Variants in MARCHF8 observed in about 807,000 individuals in gnomAD.
The protein encoded by MARCHF8 is E3 ubiquitin-protein ligase MARCHF8.
Under a neutral mutation model 51.6 loss-of-function variants are expected in MARCHF8, and 40 were observed. The observed-to-expected ratio is 0.77, with a 90% CI of 0.60 to 1.01. The LOEUF is 1.01. Among genes scored for constraint, MARCHF8 ranks in the 50% least tolerant of loss-of-function variants. The pLI is 0.00. For missense variants in MARCHF8, 685 were observed against 708.6 expected, an observed-to-expected ratio of 0.97 and a Z score of 0.38; for synonymous variants, 263 against 280.3, an observed-to-expected ratio of 0.94 and a Z score of 0.62.
At position 45,562,110 on chromosome 10, in the gene MARCHF8, T is replaced by C. The variant is rs1407047340; in HGVS notation, c.-78-28821A>G. 2.0e-5 allele frequency among the ~76,000 whole-genome samples: 3 copies of C among 151,974 alleles called. No homozygotes were observed. The South Asian group carries it at 6.2e-4, about 32-fold the overall frequency. On this transcript the variant is annotated intron_variant, in intron 1 of 6. Transcript: ENST00000319836. Reference sequence around the variant, plus strand: ...CAAATTGGAATAAATTACTCAGAGTTAGGGAAATGAAAAACACTAAAGAGA... The same window carrying C: ...CAAATTGGAATAAATTACTCAGAGTCAGGGAAATGAAAAACACTAAAGAGA...
At chr10:45,470,492 T>C (rs1022594896) in intron 3 of MARCHF8, among the ~76,000 whole-genome samples, 4 of 152,208 alleles carry the variant, frequency 2.6e-5, no homozygotes, top group Admixed American at 6.5e-5. Flanking sequence ...TGGGATTCCA[T>C]TGGGCCTGTA....
intron 2 of MARCHF8, among the ~76,000 whole-genome samples, chr10:45,491,108 A>G (rs899622971): frequency 6.6e-6 from 1 of 152,180 alleles, no homozygotes; most frequent in Non-Finnish European, 1.5e-5. Flanking sequence ...TATGCTGCCC[A>G]GGCTCAACTC....
intron 1 of MARCHF8, among the ~76,000 whole-genome samples, chr10:45,586,348 A>C (rs149212420): frequency 1.3e-5 from 2 of 152,128 alleles, no homozygotes; most frequent in African/African-American, 4.8e-5. Flanking sequence ...TGCTCAGCAT[A>C]ATGTTTTTAA....
intron 3 of MARCHF8, among the ~76,000 whole-genome samples, chr10:45,468,834 G>A (rs1462492400): frequency 6.6e-6 from 1 of 152,192 alleles, no homozygotes; most frequent in Admixed American, 6.5e-5. Context: ...AATAATATGT[G>A]TTGGCGGAAG....
intron 3 of MARCHF8, among the ~76,000 whole-genome samples, chr10:45,475,478 TC>T (rs1191243621): frequency 6.6e-6 from 1 of 152,124 alleles, no homozygotes; most frequent in Non-Finnish European, 1.5e-5. Context: ...CGCAGCCCAT[TC>T]CACCACTATT....
At chr10:45,528,932 A>C (rs1327226028) in intron 2 of MARCHF8, among the ~76,000 whole-genome samples, 2 of 152,232 alleles carry the variant, frequency 1.3e-5, no homozygotes, top group Admixed American at 1.3e-4. Flanking sequence ...TCCTATAAAA[A>C]TACTAACATT....
chr10:45,515,881 T>C (rs2043610121), intron 2 of MARCHF8, among the ~76,000 whole-genome samples: 1 of 152,196 alleles, frequency 6.6e-6, no homozygotes, highest in African/African-American at 2.4e-5. Context: ...AAGGAACCAG[T>C]CTCTATTGAA....
At chr10:45,494,909 C>CA (rs2043144593) in intron 2 of MARCHF8, among the ~76,000 whole-genome samples, 1 of 152,178 alleles carries the variant, frequency 6.6e-6, no homozygotes, top group South Asian at 2.1e-4. Context: ...CACCTGAGGT[C>CA]AGGAGTTCGA....
chr10:45,586,323 T>C (rs1056369674), intron 1 of MARCHF8, among the ~76,000 whole-genome samples: 1 of 152,144 alleles, frequency 6.6e-6, no homozygotes, highest in East Asian at 1.9e-4. Flanking sequence ...ATGTAGTGTT[T>C]TGTCTGGCTT....
chr10:45,566,315 C>G (rs1012385170), intron 1 of MARCHF8, among the ~76,000 whole-genome samples: 12 of 152,146 alleles, frequency 7.9e-5, no homozygotes, highest in Non-Finnish European at 1.3e-4. Context: ...TTAAAATGTG[C>G]AATTATTATT....
At chr10:45,471,775 AG>A (rs1322577122) in intron 3 of MARCHF8, among the ~76,000 whole-genome samples, 1 of 152,220 alleles carries the variant, frequency 6.6e-6, no homozygotes. Flanking sequence ...GGCTGCTACT[AG>A]GATCAAATAA....
At chr10:45,556,148 G>T (rs1247355249) in intron 1 of MARCHF8, among the ~76,000 whole-genome samples, 2 of 152,114 alleles carry the variant, frequency 1.3e-5, no homozygotes, top group East Asian at 3.8e-4. Flanking sequence ...GATTTTTTCA[G>T]TAAATAACAT....
chr10:45,560,014 A>C (rs533636022), intron 1 of MARCHF8, among the ~76,000 whole-genome samples: 41 of 152,254 alleles, frequency 2.7e-4, no homozygotes, highest in African/African-American at 9.6e-4. Flanking sequence ...AGCTGCTCCA[A>C]GGACAGCCAA....
chr10:45,558,103 T>C (rs936880459), intron 1 of MARCHF8, among the ~76,000 whole-genome samples: 2 of 152,204 alleles, frequency 1.3e-5, no homozygotes, highest in Non-Finnish European at 1.5e-5. Context: ...TCACTCCTTT[T>C]TCAAAATCAT....
chr10:45,579,281 A>G lies in MARCHF8; in HGVS notation c.-79+14954T>C, dbSNP rs116161120. 5.4e-3 allele frequency among the ~76,000 whole-genome samples: 826 copies of G among 152,210 alleles called. 7 individuals carry two copies. The highest frequency in any genetic ancestry group is 0.019 in the African/African-American group (784 of 41,514). ...AACAACTGGTGAATCTTAGTAAATT[A>G]TATGTAGTAATTCTCTATATTCTTT... On this transcript the variant is annotated intron_variant, in intron 1 of 6. Coordinates refer to the MARCHF8 transcript ENST00000319836.
intron 1 of MARCHF8, among the ~76,000 whole-genome samples, chr10:45,554,933 T>C (rs1026315912): frequency 6.6e-6 from 1 of 152,112 alleles, no homozygotes; most frequent in Non-Finnish European, 1.5e-5. Context: ...TGCGCACCTG[T>C]TGTCCCAGCT....
intron 3 of MARCHF8, among the ~76,000 whole-genome samples, chr10:45,465,818 C>T (rs1291889339): frequency 2.0e-5 from 3 of 152,234 alleles, no homozygotes; most frequent in Non-Finnish European, 4.4e-5. Context: ...TATTTTCTAA[C>T]TGAATGTGCA....
At chr10:45,468,741 A>T (rs143521180) in intron 3 of MARCHF8, among the ~76,000 whole-genome samples, 2 of 152,230 alleles carry the variant, frequency 1.3e-5, no homozygotes, top group Admixed American at 1.3e-4. Flanking sequence ...TCAAAACATG[A>T]AAAGATGCTT....
chr10:45,503,520 G>C (rs920254551), intron 2 of MARCHF8, among the ~76,000 whole-genome samples: 1 of 146,028 alleles, frequency 6.8e-6, no homozygotes, highest in Non-Finnish European at 1.5e-5. Context: ...CCTGGCGACA[G>C]AACGAGACTC....
Sources: gnomAD v4.1 joint callset for allele counts (sites outside exome capture counted in the v4.1 genomes callset) on GRCh38, gnomAD v4.1.1 for gene constraint, MANE v1.5 for transcripts, NCBI Gene and HGNC (gene_info 2026-07-23, HGNC 2026-07-21) for gene names.